Variants in MIPOL1 observed in about 807,000 individuals in gnomAD.
MIPOL1 encodes the protein mirror-image polydactyly 1.
In MIPOL1, 57 loss-of-function variants were observed where a neutral mutation model predicts 60.9. The observed-to-expected ratio is 0.94, with a 90% CI of 0.76 to 1.17. MIPOL1 has a LOEUF of 1.17. Among genes scored for constraint, MIPOL1 ranks in the 50% most tolerant of loss-of-function variants. The probability of loss-of-function intolerance (pLI) is 0.00; values close to 1 mark genes in which losing one functional copy is unlikely to be tolerated. For missense variants in MIPOL1, 551 were observed against 511.6 expected (o/e 1.08, Z -0.74); for synonymous variants, 179 against 168.8 (o/e 1.06, Z -0.47).
intron 12 of MIPOL1, among the ~76,000 whole-genome samples, chr14:37,532,184 C>G (rs2095483830): frequency 6.6e-6 from 1 of 152,076 alleles, no homozygotes. Context: ...TACTGTAAGT[C>G]TAAAGGAAAT....
intron 9 of MIPOL1, among the ~76,000 whole-genome samples, chr14:37,356,094 G>T (rs1482646570): frequency 1.3e-5 from 2 of 149,442 alleles, no homozygotes; most frequent in African/African-American, 4.9e-5. Flanking sequence ...TGGTGTGGAT[G>T]TCCTTTCTGT....
intron 1 of MIPOL1, among the ~76,000 whole-genome samples, chr14:37,211,223 A>C (rs1966838152): frequency 7.2e-6 from 1 of 139,700 alleles, no homozygotes; most frequent in Non-Finnish European, 1.5e-5. Context: ...CAAGTTAACT[A>C]TCTACACAGA....
At chr14:37,302,204 A>G (rs2086333637) in intron 7 of MIPOL1, among the ~76,000 whole-genome samples, 2 of 149,744 alleles carry the variant, frequency 1.3e-5, no homozygotes, top group Non-Finnish European at 3.0e-5. Flanking sequence ...TATACTAGCA[A>G]TGAATCAGAG....
chr14:37,334,477 A>C (rs1212447103), intron 9 of MIPOL1, among the ~76,000 whole-genome samples: 1 of 152,048 alleles, frequency 6.6e-6, no homozygotes, highest in African/African-American at 2.4e-5. Flanking sequence ...TCATTCATAT[A>C]TAATTACTTA....
intron 11 of MIPOL1, among the ~76,000 whole-genome samples, chr14:37,436,201 ATTC>A (rs1375778205): frequency 1.3e-5 from 2 of 152,212 alleles, no homozygotes; most frequent in Non-Finnish European, 2.9e-5. Context: ...TTAACCTGAC[ATTC>A]TTCTTCCACT....
chr14:37,342,989 A>AAT (rs1555400775), intron 9 of MIPOL1, among the ~76,000 whole-genome samples: 1 of 149,792 alleles, frequency 6.7e-6, no homozygotes, highest in African/African-American at 2.4e-5. Context: ...ATGTAGTTAA[A>AAT]ATATATATTT....
chr14:37,349,195 C>T (rs2091168397), intron 9 of MIPOL1, among the ~76,000 whole-genome samples: 1 of 151,960 alleles, frequency 6.6e-6, no homozygotes, highest in African/African-American at 2.4e-5. Flanking sequence ...GCCATGTTGG[C>T]TAGGCTGGTC....
intron 10 of MIPOL1, among the ~76,000 whole-genome samples, chr14:37,387,070 G>GT (rs1489084955): frequency 1.3e-5 from 2 of 151,670 alleles, no homozygotes; most frequent in South Asian, 2.1e-4. Flanking sequence ...TTCAAAAACC[G>GT]TAAGTTTGGT....
chr14:37,247,027 T>C (rs1262240914), intron 1 of MIPOL1, 76 bp from the exon 2 acceptor site: 2 of 152,512 alleles, frequency 1.3e-5, no homozygotes, highest in Non-Finnish European at 2.9e-5. Flanking sequence ...ATTAACCTTT[T>C]TGGGCAATAT....
intron 10 of MIPOL1, among the ~76,000 whole-genome samples, chr14:37,411,770 G>C (rs2093684859): frequency 6.6e-6 from 1 of 152,094 alleles, no homozygotes; most frequent in Non-Finnish European, 1.5e-5. Context: ...TATGGTCCTA[G>C]TCTAGACTAC....
chr14:37,495,292 C>T (rs867387591), intron 11 of MIPOL1, among the ~76,000 whole-genome samples: 28 of 118,168 alleles, frequency 2.4e-4, no homozygotes, highest in Middle Eastern at 4.6e-3. Context: ...CCCCCCACCC[C>T]ACCACAGTCC....
chr14:37,313,001 A>AT (rs1256838913), intron 9 of MIPOL1, among the ~76,000 whole-genome samples: 3 of 152,112 alleles, frequency 2.0e-5, no homozygotes, highest in South Asian at 4.1e-4. Context: ...ATTTTGTAGG[A>AT]CCTTAGGAGC....
At chr14:37,372,982 T>C (rs2092682177) in intron 10 of MIPOL1, among the ~76,000 whole-genome samples, 1 of 152,166 alleles carries the variant, frequency 6.6e-6, no homozygotes, top group Non-Finnish European at 1.5e-5. Context: ...TGGAAGAACA[T>C]GTTTTTGAAC....
intron 9 of MIPOL1, among the ~76,000 whole-genome samples, chr14:37,361,487 A>C (rs2207862): frequency 0.97 from 147,380 of 152,122 alleles, 71,467 homozygotes; most frequent in East Asian, 1. Context: ...GTCTCTAAAG[A>C]CTTGCTTTAT....
chr14:37,365,212 C>T (rs912920476), intron 9 of MIPOL1, among the ~76,000 whole-genome samples: 1 of 152,102 alleles, frequency 6.6e-6, no homozygotes, highest in Non-Finnish European at 1.5e-5. Context: ...TTTCTCTTGT[C>T]CGATTGCTCT....
intron 11 of MIPOL1, among the ~76,000 whole-genome samples, chr14:37,436,975 T>G (rs2094172530): frequency 6.6e-6 from 1 of 152,180 alleles, no homozygotes; most frequent in Non-Finnish European, 1.5e-5. Context: ...AAAACATTAT[T>G]TTATGAGTTC....
chr14:37,544,052 A>G (rs747060118), intron 12 of MIPOL1, among the ~76,000 whole-genome samples: 4 of 152,202 alleles, frequency 2.6e-5, no homozygotes, highest in Admixed American at 6.5e-5. Context: ...TTGTATAAGC[A>G]AGAGGAGATT....
chr14:37,446,637 C>T (rs989009473), intron 11 of MIPOL1, among the ~76,000 whole-genome samples: 484 of 152,128 alleles, frequency 3.2e-3, no homozygotes, highest in African/African-American at 0.011. Context: ...ATGTTTATAG[C>T]GGCACTATTC....
intron 9 of MIPOL1, among the ~76,000 whole-genome samples, chr14:37,311,190 T>C (rs983025808): frequency 6.6e-6 from 1 of 152,190 alleles, no homozygotes. Flanking sequence ...AGCCCTCTGA[T>C]ACCTTTAGGC....
Sources: allele counts gnomAD v4.1 joint callset (sites outside exome capture counted in the v4.1 genomes callset), GRCh38; gene constraint gnomAD v4.1.1; transcripts MANE v1.5; gene names NCBI Gene and HGNC (gene_info 2026-07-23, HGNC 2026-07-21).